Variants in HDAC9 observed in about 807,000 individuals in gnomAD.
HDAC9 encodes MEF-2 interacting transcription repressor (MITR) protein.
A neutral mutation model predicts 139.4 loss-of-function variants in HDAC9; 41 were observed. The observed-to-expected ratio is 0.29, with a 90% CI of 0.23 to 0.38. The LOEUF is 0.38. Among genes scored for constraint, HDAC9 ranks in the 10% least tolerant of loss-of-function variants. HDAC9 has a pLI of 1.00. For synonymous variants in HDAC9, 517 were observed against 476.2 expected (o/e 1.09, Z -1.12); for missense variants, 1,147 against 1,297.0 (o/e 0.88, Z 1.78).
chr7:18,711,059 T>G (rs866463358), intron 12 of HDAC9, among the ~76,000 whole-genome samples: 16 of 152,354 alleles, frequency 1.1e-4, no homozygotes, highest in Non-Finnish European at 2.1e-4. Context: ...ATGCCTAGAA[T>G]ATGTTTAGCA....
intron 21 of HDAC9, among the ~76,000 whole-genome samples, chr7:18,859,426 T>C (rs1797923117): frequency 6.6e-6 from 1 of 152,102 alleles, no homozygotes; most frequent in Non-Finnish European, 1.5e-5. Context: ...TTCAGAACTC[T>C]ATTCAGGCCC....
chr7:18,285,744 C>T (rs1251638376), upstream of HDAC9, among the ~76,000 whole-genome samples: 2 of 152,060 alleles, frequency 1.3e-5, no homozygotes, highest in African/African-American at 2.4e-5. Context: ...TGGAATGCTC[C>T]TTCTTTTCAG....
rs146860772 is a variant in HDAC9 at position 18,257,369 on chromosome 7, ACTCTCTCT to A, written c.25+95037_25+95044del. On this transcript the variant is annotated intron_variant, in intron 2 of 12. Coordinates refer to the HDAC9 transcript ENST00000417496. ...ACAATGAGACCACCCTGTCTCTCTGACTCTCTCTCTCTCTCTCTCTCTCTGTCTCTCCC... is the reference window on the plus strand; with the variant it reads ...ACAATGAGACCACCCTGTCTCTCTGACTCTCTCTCTCTCTCTGTCTCTCCC... 7.5e-3 allele frequency among the ~76,000 whole-genome samples: 831 copies of A among 110,312 alleles called. 7 individuals are homozygous for A. The highest frequency in any genetic ancestry group is 0.027 in the African/African-American group (771 of 28,246). 72.4% of individuals were successfully genotyped at this position (110,312 alleles called of 152,430 possible).
In HDAC9 at chr7:18,720,515, A is replaced by G. The variant is rs971074024; in HGVS notation, c.1732-7065A>G. Among the ~76,000 whole-genome samples, 9 of 151,966 alleles carry G rather than the reference A, an allele frequency of 5.9e-5. No homozygotes were observed. The East Asian group carries it at 1.4e-3, about 23-fold the overall frequency. On this transcript the variant is annotated intron_variant, in intron 12 of 25. Coordinates refer to ENST00000686413, the MANE Select transcript of HDAC9 (RefSeq NM_178425.4). Reference sequence around the variant, plus strand: ...TTAAAGACAAAATATACTTAATTATACATATTACTGTGTTCATTTATCTAT... The same window carrying G: ...TTAAAGACAAAATATACTTAATTATGCATATTACTGTGTTCATTTATCTAT...
chr7:18,602,335 T>G (rs576698763), intron 6 of HDAC9, among the ~76,000 whole-genome samples: 2 of 152,168 alleles, frequency 1.3e-5, no homozygotes, highest in African/African-American at 4.8e-5. Flanking sequence ...ATTAGTTTCT[T>G]CTCTCTTACT....
intron 11 of HDAC9, among the ~76,000 whole-genome samples, chr7:18,658,914 C>CAAAAAAAAAAAAAA (rs1792214878): frequency 8.6e-6 from 1 of 116,080 alleles, no homozygotes; most frequent in African/African-American, 3.4e-5. Context: ...AAAAAAAAAA[C>CAAAAAAAAAAAAAA]AAAACAACAA....
chr7:18,418,842 A>AT (rs555241648), intron 1 of HDAC9, among the ~76,000 whole-genome samples: 67 of 152,178 alleles, frequency 4.4e-4, no homozygotes, highest in African/African-American at 1.6e-3. Context: ...TCCCCATAAC[A>AT]TTTTTGTACT....
At chr7:18,808,147 G>C (rs1056088355) in intron 17 of HDAC9, 3 of 152,164 alleles carry the variant, frequency 2.0e-5, no homozygotes, top group African/African-American at 7.2e-5. Context: ...CTTCAACTAA[G>C]TGCTCAGCTT....
chr7:18,602,368 T>C lies in HDAC9; in HGVS notation c.664+8339T>C, dbSNP rs528898477. On this transcript the variant is annotated intron_variant, in intron 6 of 25. Coordinates refer to ENST00000686413, the MANE Select transcript of HDAC9 (RefSeq NM_178425.4). ...ACTTTTTTTTTCCTGACAGCCTGAC[T>C]GTAGTTTCATCAGTTGATCTTTCAA... Among the ~76,000 whole-genome samples the C allele has an allele frequency of 3.4e-4, 52 of 152,098 alleles. 1 individual carries two copies. In the South Asian group the frequency reaches 8.9e-3, roughly 26 times the overall value.
intron 1 of HDAC9, among the ~76,000 whole-genome samples, chr7:18,463,426 A>T (rs1305248740): frequency 6.6e-6 from 1 of 151,786 alleles, no homozygotes; most frequent in African/African-American, 2.4e-5. Context: ...TTGTTTTATG[A>T]CTATTCAAAT....
At chr7:18,297,061 G>A (rs1013511751) in intron 1 of HDAC9, among the ~76,000 whole-genome samples, 15 of 152,144 alleles carry the variant, frequency 9.9e-5, no homozygotes, top group African/African-American at 3.6e-4. Context: ...ACTTAGAGAC[G>A]TCATTGTTGA....
chr7:18,628,305 G>C (rs138937256), intron 6 of HDAC9, among the ~76,000 whole-genome samples: 117 of 152,250 alleles, frequency 7.7e-4, no homozygotes, highest in Non-Finnish European at 1.3e-3. Context: ...TACTTACCCT[G>C]TCTGTCTGTT....
intron 2 of HDAC9, among the ~76,000 whole-genome samples, chr7:18,201,167 C>G (rs748142355): frequency 1.3e-5 from 2 of 152,148 alleles, no homozygotes; most frequent in African/African-American, 4.8e-5. Flanking sequence ...AAGATCCACT[C>G]CCCATTCCCA....
intron 17 of HDAC9, among the ~76,000 whole-genome samples, chr7:18,795,777 C>A (rs77896232): frequency 1.3e-3 from 195 of 152,244 alleles, no homozygotes; most frequent in African/African-American, 4.6e-3. Context: ...AGGTAGACAG[C>A]CATGTTTGTG....
chr7:18,829,582 G>A (rs1327377005), intron 19 of HDAC9, 34 bp downstream of exon 19: 1 of 1,340,512 alleles, frequency 7.5e-7, no homozygotes, highest in East Asian at 2.3e-5. Context: ...CATTTTCAGT[G>A]ATTCTAGATA....
chr7:18,973,106 T>C (rs1466207841), intron 24 of HDAC9, among the ~76,000 whole-genome samples: 1 of 152,200 alleles, frequency 6.6e-6, no homozygotes, highest in African/African-American at 2.4e-5. Context: ...AGCCATGTGA[T>C]CTTCAAAAAC....
chr7:18,255,779 C>A (rs1033119356), intron 2 of HDAC9, among the ~76,000 whole-genome samples: 3 of 151,974 alleles, frequency 2.0e-5, no homozygotes, highest in Non-Finnish European at 4.4e-5. Context: ...CAGGCACGCA[C>A]CATCACGCCC....
intron 1 of HDAC9, among the ~76,000 whole-genome samples, chr7:18,473,777 T>A (rs148194154): frequency 6.6e-6 from 1 of 152,360 alleles, no homozygotes; most frequent in African/African-American, 2.4e-5. Context: ...TAAAGCTTCA[T>A]GCTGATGGAT....
intron 12 of HDAC9, among the ~76,000 whole-genome samples, chr7:18,682,462 C>G (rs562733262): frequency 6.6e-6 from 1 of 152,096 alleles, no homozygotes; most frequent in African/African-American, 2.4e-5. Context: ...CACACTCACT[C>G]TACATATTGA....
Sources: allele counts gnomAD v4.1 joint callset (sites outside exome capture counted in the v4.1 genomes callset), GRCh38; gene constraint gnomAD v4.1.1; transcripts MANE v1.5; gene names NCBI Gene and HGNC (gene_info 2026-07-23, HGNC 2026-07-21).